ZC3H13: variants seen among roughly 807,000 people sequenced by gnomAD.
ZC3H13 encodes zinc finger CCCH domain-containing protein 13.
In ZC3H13, 64 loss-of-function variants were observed where a neutral mutation model predicts 204.1. The observed-to-expected ratio is 0.31, with a 90% CI of 0.26 to 0.39. ZC3H13 has a LOEUF of 0.39. Among genes scored for constraint, ZC3H13 ranks in the 10% least tolerant of loss-of-function variants. ZC3H13 has a pLI of 1.00. For synonymous variants in ZC3H13, 667 were observed against 693.7 expected (o/e 0.96, Z 0.60); for missense variants, 1,833 against 2,082.7 (o/e 0.88, Z 2.33).
rs369513808 is a variant in ZC3H13 at position 46,045,638 on chromosome 13, G to A, written c.-9-122C>T. 3.1e-3 allele frequency: 2,194 copies of A among 705,856 alleles called. 11 individuals are homozygous for A. Among genetic ancestry groups the A allele is most frequent in the South Asian group, 7.6e-3 (423 of 55,778 alleles). The allele number at this position is 705,856 out of a possible 1,614,324, so 43.7% of individuals were successfully genotyped here. A position where few individuals can be genotyped will look rare whatever the true frequency, so the allele number is the denominator to read the frequency against. On this transcript the variant is annotated intron_variant, in intron 1 of 18. Coordinates refer to ENST00000679008, the MANE Select transcript of ZC3H13 (RefSeq NM_001330564.2). ...GTAAAATTACAGGAGATTTTCCTTG[G>A]GAGATTAAAAAAAAAAAGCATAGGA...
intron 8 of ZC3H13, chr13:46,001,163 T>C (rs559873179): frequency 1.1e-4 from 16 of 152,304 alleles, no homozygotes; most frequent in African/African-American, 3.8e-4. Context: ...TGAGCACATG[T>C]TATTGGAAAA....
chr13:45,958,238 T>C (rs570652105), intron 18 of ZC3H13, among the ~76,000 whole-genome samples: 14 of 152,358 alleles, frequency 9.2e-5, no homozygotes, highest in Admixed American at 2.6e-4. Flanking sequence ...ATCTGAGTAT[T>C]TTTCTTTAAT....
chr13:45,969,317 G>T lies in ZC3H13; in HGVS notation c.3227C>A (p.Thr1076Lys). Residue 1076 changes from threonine to lysine, a missense_variant, in exon 14 of 19, where the codon ACA becomes AAA. Physicochemically the swap from Thr to Lys is moderately conservative, Grantham distance 78. This residue lies in a region of ZC3H13 where 1,574 missense variants were observed against 1,757.2 expected (regional missense o/e 0.90). Transcript: ENST00000679008. ...AGTATGCTCTGCTTCTGTCACCTCT[G>T]TACGGTCAGGGACATCCTCATCAGA... The part of the protein sequence containing the change: ...DWSDEDVPDR[T>K]EVTEAEHTAT... The T allele has an allele frequency of 1.2e-6, 2 of 1,613,854 alleles. No individual in the cohort carries two copies. Among genetic ancestry groups the T allele is most frequent in the Non-Finnish European group, 8.5e-7 (1 of 1,180,006 alleles).
At chr13:46,041,481 A>ATT (rs2139138982) in intron 4 of ZC3H13, among the ~76,000 whole-genome samples, 1 of 152,226 alleles carries the variant, frequency 6.6e-6, no homozygotes, top group East Asian at 1.9e-4. Flanking sequence ...ATATTCTAAA[A>ATT]TTGACTGTGA....
rs1952226417 is a variant in ZC3H13, at chr13:45,967,880, CCT to C, written c.3943_3944del (p.Arg1315GlufsTer13). ...CCCATTCTCTCTGCCTCGTATCTCT[CCT>C]CTCTCTCTCGCGCTCTCTGTCGTGT... is the stretch of plus-strand genomic sequence containing the variant. ...YEHDRERERERRDTRQREWDR... is the reference protein window; with the variant it reads ...YEHDREREREXRDTRQREWDR... On this transcript the variant is annotated frameshift_variant, in exon 15 of 19. Coordinates refer to ENST00000679008, the MANE Select transcript of ZC3H13 (RefSeq NM_001330564.2). LOFTEE classifies it high-confidence loss of function. 2 of 1,613,768 alleles carry C rather than the reference CCT, an allele frequency of 1.2e-6. No homozygotes were observed. The highest frequency in any genetic ancestry group is 8.5e-7 in the Non-Finnish European group (1 of 1,179,926).
chr13:46,017,375 T>C (rs542907610), intron 5 of ZC3H13, among the ~76,000 whole-genome samples: 1 of 152,210 alleles, frequency 6.6e-6, no homozygotes, highest in African/African-American at 2.4e-5. Context: ...TTTCCCAGAA[T>C]ATGTGATGTG....
Position 46,042,226 on chromosome 13 carries a change from G to C in ZC3H13, c.277C>G (p.Arg93Gly), listed in dbSNP as rs758929650. The C allele has an allele frequency of 1.2e-6, 2 of 1,613,248 alleles. No homozygotes were observed. The highest frequency in any genetic ancestry group is 1.7e-6 in the Non-Finnish European group (2 of 1,179,436). Residue 93 changes from arginine to glycine, a missense_variant, in exon 4 of 19, where the codon CGC becomes GGC. By Grantham distance (125) the Arg-to-Gly change is moderately radical (BLOSUM62 -2). Coordinates refer to ENST00000679008, the MANE Select transcript of ZC3H13 (RefSeq NM_001330564.2). ...GDLRERMKNKRQDVDTEPQKR... is the reference protein window; with the variant it reads ...GDLRERMKNKGQDVDTEPQKR... Reference sequence around the variant, plus strand: ...TGGGGCTCAGTGTCCACGTCTTGGCGCTTGTTCTTCATTCTTTCTCTAAGA... The same window carrying C: ...TGGGGCTCAGTGTCCACGTCTTGGCCCTTGTTCTTCATTCTTTCTCTAAGA...
At chr13:46,041,302 A>G (rs777694112) in intron 4 of ZC3H13, among the ~76,000 whole-genome samples, 1 of 152,180 alleles carries the variant, frequency 6.6e-6, no homozygotes, top group Non-Finnish European at 1.5e-5. Context: ...TTGAAAAGGT[A>G]TGCTAAGTGA....
At chr13:46,010,201 T>C in intron 7 of ZC3H13, 147 bp downstream of exon 7, 9 of 789,218 alleles carry the variant, frequency 1.1e-5, no homozygotes, top group Non-Finnish European at 1.6e-5. Flanking sequence ...GTCTTTTTAA[T>C]TGAAACATTT....
intron 16 of ZC3H13, 63 bp from the exon 17 acceptor site, chr13:45,964,105 T>C (rs184466441): frequency 6.3e-6 from 9 of 1,434,504 alleles, no homozygotes; most frequent in Admixed American, 4.3e-5. Context: ...GTTATCTACA[T>C]AGACATTTAC....
At chr13:46,044,352 A>C (rs760127969) in intron 3 of ZC3H13, among the ~76,000 whole-genome samples, 1 of 152,038 alleles carries the variant, frequency 6.6e-6, no homozygotes, top group Non-Finnish European at 1.5e-5. Flanking sequence ...ACCATAAAAT[A>C]ATCATCATGA....
rs1953431775 is a variant in ZC3H13, at chr13:45,980,135, GAA to G, written c.1721-133_1721-132del. The G allele has an allele frequency of 2.3e-5, 18 of 780,842 alleles. No individual in the cohort carries two copies. The Admixed American group carries it at 3.0e-4, about 13-fold the overall frequency. 48.4% of individuals were successfully genotyped at this position (780,842 alleles called of 1,614,324 possible). On this transcript the variant is annotated intron_variant, in intron 10 of 18. Coordinates refer to ENST00000679008, the MANE Select transcript of ZC3H13 (RefSeq NM_001330564.2). The stretch of plus-strand genomic sequence containing the variant: ...ATTCCAAAGTGTGGTAATCACTCCT[GAA>G]AAGAGTATCAAGCAATGAATCAGAA...
At chr13:46,007,128 T>C (rs1294426681) in intron 7 of ZC3H13, among the ~76,000 whole-genome samples, 1 of 152,174 alleles carries the variant, frequency 6.6e-6, no homozygotes, top group East Asian at 1.9e-4. Flanking sequence ...ATTTTTACAT[T>C]ATCACCTGTG....
At chr13:46,041,496 G>T (rs533494981) in intron 4 of ZC3H13, among the ~76,000 whole-genome samples, 1 of 152,060 alleles carries the variant, frequency 6.6e-6, no homozygotes, top group Admixed American at 6.5e-5. Flanking sequence ...CTGTGATGAT[G>T]GTTTCACAAC....
At chr13:46,019,347 A>C (rs927393699) in intron 5 of ZC3H13, among the ~76,000 whole-genome samples, 7 of 152,102 alleles carry the variant, frequency 4.6e-5, no homozygotes, top group African/African-American at 1.7e-4. Context: ...GCTGTGTTCC[A>C]ATAAAACTTT....
intron 4 of ZC3H13, among the ~76,000 whole-genome samples, chr13:46,027,166 G>A (rs1034423880): frequency 3.9e-5 from 6 of 152,056 alleles, no homozygotes; most frequent in South Asian, 2.1e-4. Flanking sequence ...AGCACAGTGC[G>A]CAATCTTGGC....
At chr13:45,986,025 GAAAC>G (rs1954159074) in intron 9 of ZC3H13, among the ~76,000 whole-genome samples, 1 of 152,018 alleles carries the variant, frequency 6.6e-6, no homozygotes, top group South Asian at 2.1e-4. Context: ...CTAAACAACT[GAAAC>G]AAATAAGTTC....
intron 7 of ZC3H13, among the ~76,000 whole-genome samples, chr13:46,008,683 G>T (rs955600959): frequency 6.6e-6 from 1 of 152,100 alleles, no homozygotes; most frequent in East Asian, 1.9e-4. Flanking sequence ...AGTTTATTGG[G>T]GAAATGAATA....
chr13:46,046,425 G>A (rs1022515619), intron 1 of ZC3H13, among the ~76,000 whole-genome samples: 4 of 150,850 alleles, frequency 2.7e-5, no homozygotes, highest in South Asian at 2.1e-4. Context: ...TTGGGAGGCC[G>A]AGGCGGGCGG....
Sources: allele counts gnomAD v4.1 joint callset (sites outside exome capture counted in the v4.1 genomes callset), GRCh38; gene constraint gnomAD v4.1.1; regional missense constraint gnomAD v4.1.1; transcripts MANE v1.5; gene names NCBI Gene and HGNC (gene_info 2026-07-23, HGNC 2026-07-21).